RBFOX1: variants seen among roughly 807,000 people sequenced by gnomAD.
The protein encoded by RBFOX1 is RNA binding fox-1 homolog 1, also known as RNA binding protein fox-1 homolog 1.
Under a neutral mutation model 57.7 loss-of-function variants are expected in RBFOX1, and 8 were observed. That is an observed-to-expected ratio of 0.14 (90% CI 0.08 to 0.25). RBFOX1 has a LOEUF of 0.25. Ranked by LOEUF, RBFOX1 falls within the 10% of genes least tolerant of loss-of-function variation. The probability of loss-of-function intolerance (pLI) is 1.00; values close to 1 mark genes in which losing one functional copy is unlikely to be tolerated. For synonymous variants in RBFOX1, 326 were observed against 222.4 expected, an observed-to-expected ratio of 1.47 and a Z score of -4.15; for missense variants, 611 against 548.5, an observed-to-expected ratio of 1.11 and a Z score of -1.14.
intron 4 of RBFOX1, chr16:7,333,022 T>A: frequency 6.2e-7 from 1 of 1,613,756 alleles, no homozygotes; most frequent in Non-Finnish European, 8.5e-7. Flanking sequence ...CTCAAGGAGT[T>A]CTCCTGCATC....
chr16:5,533,816 G>C (rs1263724368), intron 2 of RBFOX1, among the ~76,000 whole-genome samples: 1 of 152,078 alleles, frequency 6.6e-6, no homozygotes. Context: ...GGTTTGATTT[G>C]GTTTATGGTG....
In RBFOX1 at chr16:5,309,925, GCTT is replaced by G. The variant is rs2064038641; in HGVS notation, c.219+69824_219+69826del. Reference sequence around the variant, plus strand: ...TTTTCAAATTTAAACTGGAGCCAAAGCTTCTTTTTCTGGTCCTTTGATTTAGAG... The same window carrying G: ...TTTTCAAATTTAAACTGGAGCCAAAGCTTTTTCTGGTCCTTTGATTTAGAG... On this transcript the variant is annotated intron_variant, in intron 1 of 2. Coordinates refer to the RBFOX1 transcript ENST00000585867. Among the ~76,000 whole-genome samples the G allele has an allele frequency of 2.6e-5, 4 of 152,160 alleles. No individual in the cohort carries two copies. The South Asian group carries it at 8.3e-4, about 32-fold the overall frequency.
rs149269470 is a variant in RBFOX1, at chr16:6,390,074, G to A, written c.-64+73017G>A. The stretch of plus-strand genomic sequence containing the variant: ...GCTGTGAAATGACGGATACCTGAGA[G>A]AAGTCCCAGCTGAAAGCCGTGTCTG... On this transcript the variant is annotated intron_variant, in intron 2 of 15. Transcript: ENST00000550418. Among the ~76,000 whole-genome samples, 144 of 152,356 alleles carry A rather than the reference G, an allele frequency of 9.5e-4. 3 individuals carry two copies. In the East Asian group the frequency reaches 0.023, roughly 24 times the overall value.
chr16:6,188,442 A>C (rs372602061), intron 1 of RBFOX1, among the ~76,000 whole-genome samples: 4 of 151,734 alleles, frequency 2.6e-5, no homozygotes, highest in Middle Eastern at 3.4e-3. Flanking sequence ...AAAAAAGGCT[A>C]AACATAAAAT....
intron 4 of RBFOX1, among the ~76,000 whole-genome samples, chr16:7,403,500 C>A (rs913969251): frequency 6.6e-6 from 1 of 151,076 alleles, no homozygotes; most frequent in Admixed American, 6.6e-5. Context: ...CTTTCTGTGT[C>A]TGGTTTATTT....
intron 1 of RBFOX1, among the ~76,000 whole-genome samples, chr16:6,287,676 A>G: frequency 6.6e-6 from 1 of 151,892 alleles, no homozygotes; most frequent in Admixed American, 6.6e-5. Context: ...ATGTATGCAT[A>G]TATACATAAA....
At chr16:5,801,049 C>G (rs954827043) in intron 3 of RBFOX1, among the ~76,000 whole-genome samples, 2 of 152,116 alleles carry the variant, frequency 1.3e-5, no homozygotes, top group Non-Finnish European at 2.9e-5. Flanking sequence ...AGGATTGCCA[C>G]TTTTGATGAA....
intron 2 of RBFOX1, among the ~76,000 whole-genome samples, chr16:6,411,236 C>A (rs2093449693): frequency 6.6e-6 from 1 of 152,136 alleles, no homozygotes; most frequent in Admixed American, 6.5e-5. Context: ...CCTGCTGGGA[C>A]CTCCCAAAGC....
chr16:6,951,026 C>A (rs1451053127), intron 3 of RBFOX1, among the ~76,000 whole-genome samples: 1 of 152,022 alleles, frequency 6.6e-6, no homozygotes, highest in East Asian at 1.9e-4. Context: ...CCACCTCTGC[C>A]TCTCGAGTAG....
At chr16:6,503,902 C>T (rs746217054) in intron 2 of RBFOX1, among the ~76,000 whole-genome samples, 1 of 152,216 alleles carries the variant, frequency 6.6e-6, no homozygotes, top group Non-Finnish European at 1.5e-5. Flanking sequence ...GGGAATAATG[C>T]TCTACGAGGA....
chr16:6,057,048 G>A lies in RBFOX1; in HGVS notation c.-127+37056G>A, dbSNP rs547337779. On this transcript the variant is annotated intron_variant, in intron 1 of 15. Transcript: ENST00000550418. ...TTTTTCCCCGAAGAAAGAGATTCACGTATGGCTGAAATTTCCCGGAGAACA... is the reference window on the plus strand; with the variant it reads ...TTTTTCCCCGAAGAAAGAGATTCACATATGGCTGAAATTTCCCGGAGAACA... 3 of 151,484 alleles carry A rather than the reference G, an allele frequency of 2.0e-5. No homozygotes were observed. The East Asian group carries it at 5.8e-4, about 29-fold the overall frequency. The allele number at this position is 151,484 out of a possible 1,614,324, so 9.4% of individuals were successfully genotyped here.
At chr16:7,163,728 C>G (rs1021117979) in intron 4 of RBFOX1, among the ~76,000 whole-genome samples, 2 of 152,080 alleles carry the variant, frequency 1.3e-5, no homozygotes, top group Non-Finnish European at 2.9e-5. Context: ...GCAATCTCAT[C>G]TCACTGCAAC....
intron 2 of RBFOX1, among the ~76,000 whole-genome samples, chr16:5,564,913 C>T (rs2046012539): frequency 6.6e-6 from 1 of 152,088 alleles, no homozygotes; most frequent in Non-Finnish European, 1.5e-5. Flanking sequence ...GCCGGTGGAA[C>T]ACACCTCAGC....
At chr16:6,124,255 C>T (rs1426657040) in intron 1 of RBFOX1, among the ~76,000 whole-genome samples, 1 of 152,158 alleles carries the variant, frequency 6.6e-6, no homozygotes. Context: ...TACCCAGCTC[C>T]CTCTAAAGAG....
intron 4 of RBFOX1, among the ~76,000 whole-genome samples, chr16:7,224,331 A>G (rs2092952765): frequency 1.3e-5 from 2 of 152,240 alleles, no homozygotes; most frequent in South Asian, 2.1e-4. Flanking sequence ...TCATATCAGT[A>G]TACTAATTCT....
intron 4 of RBFOX1, among the ~76,000 whole-genome samples, chr16:7,083,177 C>T (rs1300321058): frequency 1.3e-5 from 2 of 152,040 alleles, no homozygotes; most frequent in South Asian, 2.1e-4. Context: ...TGCTGACACC[C>T]CCCGAGGGGA....
chr16:6,325,065 A>T (rs1325408988), intron 2 of RBFOX1, among the ~76,000 whole-genome samples: 1 of 152,190 alleles, frequency 6.6e-6, no homozygotes, highest in Non-Finnish European at 1.5e-5. Flanking sequence ...AACGAATTAC[A>T]GGAAAGGTAC....
At chr16:6,935,879 G>A (rs1258494583) in intron 3 of RBFOX1, among the ~76,000 whole-genome samples, 2 of 152,188 alleles carry the variant, frequency 1.3e-5, no homozygotes, top group South Asian at 2.1e-4. Flanking sequence ...AGGGATGCTA[G>A]CCTGCACATC....
intron 1 of RBFOX1, among the ~76,000 whole-genome samples, chr16:5,399,542 C>T (rs929907287): frequency 2.0e-4 from 31 of 151,836 alleles, no homozygotes; most frequent in African/African-American, 7.0e-4. Context: ...GGATCAATGC[C>T]ATCCTGGGAA....
Sources: gnomAD v4.1 joint callset for allele counts (sites outside exome capture counted in the v4.1 genomes callset) on GRCh38, gnomAD v4.1.1 for gene constraint, MANE v1.5 for transcripts, NCBI Gene and HGNC (gene_info 2026-07-23, HGNC 2026-07-21) for gene names.